The following FCHSD2 variants were observed in gnomAD, a reference collection of about 807,000 sequenced individuals.
FCHSD2 encodes the protein F-BAR and double SH3 domains protein 2.
FCHSD2 carries 38 observed loss-of-function variants against 108.1 expected under a neutral mutation model. The ratio of observed to expected loss-of-function variants is 0.35; its 90% CI spans 0.27 to 0.46. The LOEUF is 0.46. Ranked by LOEUF, FCHSD2 falls within the 20% of genes least tolerant of loss-of-function variation. The pLI is 1.00. For synonymous variants in FCHSD2, 279 were observed against 314.7 expected (o/e 0.89, Z 1.20); for missense variants, 751 against 897.8 (o/e 0.84, Z 2.09).
intron 8 of FCHSD2, among the ~76,000 whole-genome samples, chr11:72,980,131 T>C (rs969294280): frequency 6.6e-6 from 1 of 152,156 alleles, no homozygotes; most frequent in Non-Finnish European, 1.5e-5. Flanking sequence ...CTTCCAACGG[T>C]TTCTATCGTC....
chr11:72,958,089 T>C (rs979458871), intron 8 of FCHSD2, among the ~76,000 whole-genome samples: 2 of 152,342 alleles, frequency 1.3e-5, no homozygotes, highest in Non-Finnish European at 1.5e-5. Flanking sequence ...TCTGTTGTAA[T>C]CTTAAAATAT....
chr11:73,071,081 A>G (rs1859425350), intron 3 of FCHSD2, among the ~76,000 whole-genome samples: 2 of 152,166 alleles, frequency 1.3e-5, no homozygotes, highest in African/African-American at 2.4e-5. Flanking sequence ...GCCTCCTACA[A>G]TATTACTAAA....
At position 72,837,422 on chromosome 11, in the gene FCHSD2, C is replaced by T. The variant is rs1484623717; in HGVS notation, c.*1369G>A. On this transcript the variant is annotated 3_prime_UTR_variant, in exon 20 of 20. Transcript: ENST00000409418. The stretch of plus-strand genomic sequence containing the variant: ...GGGATGGAGTTTTCAAAGCATAATA[C>T]AACTTGTAGATTAAATTCTGCAAAT... 1 of 149,682 alleles carries T rather than the reference C, an allele frequency of 6.7e-6. No individual in the cohort carries two copies. The highest frequency in any genetic ancestry group is 1.5e-5 in the Non-Finnish European group (1 of 67,468). 9.3% of individuals were successfully genotyped at this position (149,682 alleles called of 1,614,324 possible). A position where few individuals can be genotyped will look rare whatever the true frequency, so the allele number is the denominator to read the frequency against.
At chr11:72,910,488 C>A (rs372311189) in intron 9 of FCHSD2, among the ~76,000 whole-genome samples, 25 of 152,310 alleles carry the variant, frequency 1.6e-4, no homozygotes, top group African/African-American at 5.1e-4. Context: ...AAGAAAAATT[C>A]TTCTGCCTTG....
At chr11:72,980,748 GTATA>G (rs1405277117) in intron 8 of FCHSD2, among the ~76,000 whole-genome samples, 1 of 150,292 alleles carries the variant, frequency 6.7e-6, no homozygotes. Flanking sequence ...ATATGTGTGT[GTATA>G]TATATGTGTA....
intron 3 of FCHSD2, among the ~76,000 whole-genome samples, chr11:73,059,716 C>G (rs1218878954): frequency 6.6e-6 from 1 of 151,458 alleles, no homozygotes; most frequent in South Asian, 2.1e-4. Context: ...GTGAGGTTTT[C>G]TTTCTTTTTT....
chr11:73,062,094 C>T (rs1009973783), intron 3 of FCHSD2, among the ~76,000 whole-genome samples: 9 of 152,134 alleles, frequency 5.9e-5, no homozygotes, highest in Admixed American at 1.3e-4. Flanking sequence ...CTGTCTGGGA[C>T]GAAGCTTTCA....
At chr11:72,865,288 G>T (rs1169513862) in intron 13 of FCHSD2, among the ~76,000 whole-genome samples, 1 of 152,100 alleles carries the variant, frequency 6.6e-6, no homozygotes, top group Non-Finnish European at 1.5e-5. Context: ...TTTCAGTGCT[G>T]TTACTTAAAA....
At chr11:72,943,602 G>A (rs964229459) in intron 8 of FCHSD2, among the ~76,000 whole-genome samples, 4 of 152,194 alleles carry the variant, frequency 2.6e-5, no homozygotes, top group African/African-American at 7.2e-5. Flanking sequence ...AAATGGAAGT[G>A]AGAATTCCCT....
chr11:73,041,611 CTGAGT>C (rs1328355955), intron 3 of FCHSD2, among the ~76,000 whole-genome samples: 1 of 151,976 alleles, frequency 6.6e-6, no homozygotes. Context: ...TTGTTTGCTA[CTGAGT>C]TGAGTTTCTT....
chr11:72,853,770 T>A (rs569451567), intron 13 of FCHSD2, among the ~76,000 whole-genome samples: 1 of 151,958 alleles, frequency 6.6e-6, no homozygotes, highest in Non-Finnish European at 1.5e-5. Context: ...CAAAGAACAA[T>A]AGAGTGAAAA....
At chr11:72,891,835 T>G (rs766587801) in intron 10 of FCHSD2, among the ~76,000 whole-genome samples, 1 of 152,222 alleles carries the variant, frequency 6.6e-6, no homozygotes, top group Non-Finnish European at 1.5e-5. Flanking sequence ...TAGGTTATAA[T>G]GAGGTCATAT....
intron 10 of FCHSD2, among the ~76,000 whole-genome samples, chr11:72,890,218 G>A (rs1181914822): frequency 6.6e-6 from 1 of 152,116 alleles, no homozygotes; most frequent in Non-Finnish European, 1.5e-5. Flanking sequence ...TGGGTGTGAT[G>A]GACTTATCTT....
chr11:73,000,696 G>A (rs1294029750), intron 5 of FCHSD2, among the ~76,000 whole-genome samples: 13 of 152,134 alleles, frequency 8.5e-5, no homozygotes, highest in Admixed American at 8.5e-4. Context: ...AAACTATACC[G>A]ATATTGTGAA....
At chr11:73,059,181 G>A (rs921609470) in intron 3 of FCHSD2, among the ~76,000 whole-genome samples, 1 of 152,016 alleles carries the variant, frequency 6.6e-6, no homozygotes, top group Non-Finnish European at 1.5e-5. Context: ...CAACCATTTG[G>A]GATGAAAGCA....
chr11:72,897,015 A>G (rs1448233074), intron 10 of FCHSD2, among the ~76,000 whole-genome samples: 2 of 151,572 alleles, frequency 1.3e-5, no homozygotes, highest in African/African-American at 4.9e-5. Context: ...TTTAGTAGAG[A>G]CAGGGTTTCA....
intron 2 of FCHSD2, among the ~76,000 whole-genome samples, chr11:73,137,508 A>C (rs994357046): frequency 6.6e-6 from 1 of 152,216 alleles, no homozygotes; most frequent in African/African-American, 2.4e-5. Flanking sequence ...CCCAAGAAAA[A>C]ATAAGATACA....
chr11:72,945,219 G>C (rs1280688531), intron 8 of FCHSD2, among the ~76,000 whole-genome samples: 4 of 152,128 alleles, frequency 2.6e-5, no homozygotes, highest in African/African-American at 9.7e-5. Context: ...CAATGGAACA[G>C]AACAGAGCCC....
At chr11:73,096,339 G>A (rs998690934) in intron 2 of FCHSD2, among the ~76,000 whole-genome samples, 53 of 139,882 alleles carry the variant, frequency 3.8e-4, no homozygotes, top group African/African-American at 1.4e-3. Context: ...TCAGGAGTTC[G>A]AGACCAGCCT....
Sources: allele counts gnomAD v4.1 joint callset (sites outside exome capture counted in the v4.1 genomes callset), GRCh38; gene constraint gnomAD v4.1.1; transcripts MANE v1.5; gene names NCBI Gene and HGNC (gene_info 2026-07-23, HGNC 2026-07-21).